MAD1L1: variants seen among roughly 807,000 people sequenced by gnomAD.
MAD1L1 encodes mitotic arrest deficient 1 like 1.
Under a neutral mutation model 96.9 loss-of-function variants are expected in MAD1L1, and 95 were observed. That is an observed-to-expected ratio of 0.98 (90% CI 0.83 to 1.16). MAD1L1 has a LOEUF of 1.16. Ranked by LOEUF, MAD1L1 falls within the 50% of genes most tolerant of loss-of-function variation. The pLI is 0.00. For synonymous variants in MAD1L1, 473 were observed against 396.6 expected, an observed-to-expected ratio of 1.19 and a Z score of -2.29; for missense variants, 1,007 against 954.4, an observed-to-expected ratio of 1.06 and a Z score of -0.73.
intron 17 of MAD1L1, among the ~76,000 whole-genome samples, chr7:1,916,420 G>T (rs36054673): frequency 0.32 from 48,358 of 152,012 alleles, 7,987 homozygotes; most frequent in Middle Eastern, 0.42. Flanking sequence ...TAGGCAGCAC[G>T]CTGGGCAGTA....
In MAD1L1 at chr7:1,984,755, T is replaced by C. The variant is rs150723340; in HGVS notation, c.1417-4214A>G. 6.6e-5 allele frequency among the ~76,000 whole-genome samples: 10 copies of C among 152,386 alleles called. No individual in the cohort carries two copies. In the South Asian group the frequency reaches 8.3e-4, roughly 13 times the overall value. ...GCTTTGCAATCCAATCAGGAAGTCC[T>C]TTCCTTTTAATAGGAGAGTTTAGTC... is the stretch of plus-strand genomic sequence containing the variant. On this transcript the variant is annotated intron_variant, in intron 14 of 18. Transcript: ENST00000265854.
intron 10 of MAD1L1, among the ~76,000 whole-genome samples, chr7:2,212,507 T>C (rs1239450110): frequency 2.0e-5 from 3 of 152,192 alleles, no homozygotes; most frequent in East Asian, 1.9e-4. Flanking sequence ...TCTGTCTTCA[T>C]GATAGTGAGT....
At chr7:1,818,137 T>TC (rs760621184) in intron 18 of MAD1L1, among the ~76,000 whole-genome samples, 1 of 152,172 alleles carries the variant, frequency 6.6e-6, no homozygotes, top group East Asian at 1.9e-4. Context: ...TCTGAATTTC[T>TC]CCCCCTAAAT....
intron 18 of MAD1L1, among the ~76,000 whole-genome samples, chr7:1,862,913 G>C (rs1263439943): frequency 2.0e-5 from 3 of 152,250 alleles, no homozygotes; most frequent in Non-Finnish European, 2.9e-5. Flanking sequence ...GGGGCCCGCA[G>C]GGTCAGATGT....
At chr7:1,922,460 C>G (rs766662923) in intron 17 of MAD1L1, among the ~76,000 whole-genome samples, 2 of 152,220 alleles carry the variant, frequency 1.3e-5, no homozygotes, top group Non-Finnish European at 2.9e-5. Context: ...CACAGACACA[C>G]GGACATATTT....
intron 11 of MAD1L1, among the ~76,000 whole-genome samples, chr7:2,108,275 G>A (rs1021388422): frequency 2.6e-5 from 4 of 152,152 alleles, no homozygotes; most frequent in African/African-American, 9.7e-5. Context: ...TCTCACAAAC[G>A]AACAAGGTGT....
intron 12 of MAD1L1, among the ~76,000 whole-genome samples, chr7:2,065,211 G>C (rs1455972700): frequency 6.6e-6 from 1 of 152,164 alleles, no homozygotes; most frequent in African/African-American, 2.4e-5. Flanking sequence ...AGCAGCCCCC[G>C]CCTTCTTGGG....
In MAD1L1 at chr7:2,013,256, G is replaced by A. The variant is rs145118759; in HGVS notation, c.1359+1246C>T. Among the ~76,000 whole-genome samples the A allele has an allele frequency of 2.7e-4, 41 of 152,346 alleles. No homozygotes were observed. In the East Asian group the frequency reaches 7.7e-3, roughly 29 times the overall value. On this transcript the variant is annotated intron_variant, in intron 13 of 18. Transcript: ENST00000265854. ...TTCCAGCTGGTCACTGGCTGAATGA[G>A]GAAAGGACACAGCAGCCTACAACAG...
In MAD1L1 at chr7:2,225,398, G is replaced by C; in HGVS notation, c.291+12C>G. 1 of 1,611,842 alleles carries C rather than the reference G, an allele frequency of 6.2e-7. No individual in the cohort carries two copies. Among genetic ancestry groups the C allele is most frequent in the Non-Finnish European group, 8.5e-7 (1 of 1,179,894 alleles). On this transcript the variant is annotated intron_variant, in intron 4 of 18. Transcript: ENST00000265854. The stretch of plus-strand genomic sequence containing the variant: ...GGCTGTCTGGGCCGACCCTCGCCCC[G>C]CCTGAACCCACCTCGTAGTTCCTGG...
intron 18 of MAD1L1, among the ~76,000 whole-genome samples, chr7:1,870,237 G>C (rs1397364706): frequency 1.0e-4 from 14 of 137,040 alleles, no homozygotes; most frequent in East Asian, 4.4e-4. Context: ...ACGCTGAACC[G>C]ACCATAACAC....
intron 17 of MAD1L1, among the ~76,000 whole-genome samples, chr7:1,932,694 C>G (rs763476413): frequency 2.6e-5 from 4 of 152,256 alleles, no homozygotes; most frequent in Non-Finnish European, 5.9e-5. Context: ...GGGTCTATCC[C>G]CAACCACAGA....
At chr7:2,151,297 C>CA (rs1430720822) in intron 10 of MAD1L1, among the ~76,000 whole-genome samples, 1 of 152,234 alleles carries the variant, frequency 6.6e-6, no homozygotes, top group Non-Finnish European at 1.5e-5. Context: ...CGGCGCCTCC[C>CA]AGCCCCTGTG....
At chr7:2,096,522 C>G (rs1206847307) in intron 11 of MAD1L1, among the ~76,000 whole-genome samples, 5 of 151,692 alleles carry the variant, frequency 3.3e-5, no homozygotes, top group African/African-American at 1.2e-4. Flanking sequence ...GGGGACTCTT[C>G]TATTTTATTC....
chr7:2,104,366 TCACGGCGGCG>T (rs1462588603), intron 11 of MAD1L1, among the ~76,000 whole-genome samples: 1 of 152,214 alleles, frequency 6.6e-6, no homozygotes, highest in Non-Finnish European at 1.5e-5. Flanking sequence ...AGGAGAGCCG[TCACGGCGGCG>T]CAATAGCAGG....
At chr7:2,205,084 C>CTTTTTTTT (rs56101356) in intron 10 of MAD1L1, among the ~76,000 whole-genome samples, 36 of 103,858 alleles carry the variant, frequency 3.5e-4, no homozygotes, top group Non-Finnish European at 3.5e-4. Flanking sequence ...AGGATCTTTT[C>CTTTTTTTT]TTTTTTTTTT....
intron 10 of MAD1L1, among the ~76,000 whole-genome samples, chr7:2,161,530 A>T (rs1352738170): frequency 6.6e-6 from 1 of 151,606 alleles, no homozygotes; most frequent in Non-Finnish European, 1.5e-5. Flanking sequence ...CCGCCACCCC[A>T]TCTAGGAAGT....
intron 15 of MAD1L1, among the ~76,000 whole-genome samples, chr7:1,978,150 C>T (rs966832943): frequency 6.6e-6 from 1 of 152,264 alleles, no homozygotes; most frequent in East Asian, 1.9e-4. Context: ...CCAGCTCCCC[C>T]TCTCACTGCA....
At chr7:2,132,803 G>A (rs1788580044) in intron 11 of MAD1L1, among the ~76,000 whole-genome samples, 1 of 152,246 alleles carries the variant, frequency 6.6e-6, no homozygotes, top group African/African-American at 2.4e-5. Context: ...GAAGGACACT[G>A]TTACTGTGTG....
chr7:2,222,728 G>A lies in MAD1L1; in HGVS notation c.318C>T (p.Leu106=), dbSNP rs750136160. The A allele has an allele frequency of 5.0e-6, 8 of 1,606,678 alleles. No individual in the cohort carries two copies. In the African/African-American group the frequency reaches 9.4e-5, roughly 19 times the overall value. Residue 106 remains leucine, a synonymous_variant, in exon 5 of 19, where the codon CTC becomes CTT. Transcript: ENST00000265854. ...CCTGAAGCTGCCGGATGCGCGTCAG[G>A]AGCTCCTGGTTGCGGTCGACCTCAC... The part of the protein sequence containing the change: ...YEREVDRNQE[L]LTRIRQLQER...
Sources: allele counts gnomAD v4.1 joint callset (sites outside exome capture counted in the v4.1 genomes callset), GRCh38; gene constraint gnomAD v4.1.1; transcripts MANE v1.5; gene names NCBI Gene and HGNC (gene_info 2026-07-23, HGNC 2026-07-21).